The following NOL6 variants were observed in gnomAD, a reference collection of about 807,000 sequenced individuals.
The protein encoded by NOL6 is nucleolar protein 6.
A neutral mutation model predicts 131.7 loss-of-function variants in NOL6; 33 were observed. That is an observed-to-expected ratio of 0.25 (90% CI 0.19 to 0.33). The LOEUF (loss-of-function observed/expected upper bound fraction) is 0.33. Among genes scored for constraint, NOL6 ranks in the 10% least tolerant of loss-of-function variants. NOL6 has a pLI of 1.00. For missense variants in NOL6, 1,297 were observed against 1,494.5 expected, an observed-to-expected ratio of 0.87 and a Z score of 2.18; for synonymous variants, 580 against 605.7, an observed-to-expected ratio of 0.96 and a Z score of 0.62.
Position 33,463,335 on chromosome 9 carries a change from CAGA to C in NOL6, c.3098_3100del (p.Phe1033del). The C allele has an allele frequency of 6.2e-7, 1 of 1,614,112 alleles. No individual in the cohort carries two copies. The highest frequency in any genetic ancestry group is 8.5e-7 in the Non-Finnish European group (1 of 1,179,996). ...CCCCGGCTGGCTGAGCAGGCCCCGG[CAGA>C]AGGAGGCAGCTGGCGAGTCCACAGC... On this transcript the variant is annotated inframe_deletion, in exon 24 of 26. Coordinates refer to ENST00000297990, the MANE Select transcript of NOL6 (RefSeq NM_022917.5).
intron 18 of NOL6, 50 bp from the exon 19 acceptor site, chr9:33,465,947 G>C: frequency 6.3e-7 from 1 of 1,595,008 alleles, no homozygotes; most frequent in African/African-American, 1.3e-5. Context: ...CCAGAACCCC[G>C]GGAGTACTCT....
intron 25 of NOL6, 59 bp from the exon 26 acceptor site, chr9:33,462,872 C>A: frequency 6.2e-7 from 1 of 1,601,136 alleles, no homozygotes; most frequent in Non-Finnish European, 8.5e-7. Flanking sequence ...CCAGAGACAC[C>A]AAGCTGGGTA....
rs1338280495 is a variant in NOL6, at chr9:33,467,879, ACAAAGGGC to A, written c.1425-19_1425-12del. On this transcript the variant is annotated splice_polypyrimidine_tract_variant and intron_variant, in intron 11 of 25. Transcript: ENST00000297990. The surrounding 1 kb of genome is among the most constrained non-coding windows in gnomAD (Gnocchi z 4.4). ...CTCAGTGGACGGAGACTGGAGGGGT[ACAAAGGGC>A]CAAAGAGGGGTAATCAGGTTGCTGG... 2 of 1,585,604 alleles carry A rather than the reference ACAAAGGGC, an allele frequency of 1.3e-6. No homozygotes were observed. Among genetic ancestry groups the A allele is most frequent in the African/African-American group, 2.7e-5 (2 of 74,512 alleles).
chr9:33,467,972 C>T lies in NOL6; in HGVS notation c.1424+58G>A, dbSNP rs1292809400. ...CACCTGTCTGAAGACCTTTGCCCCA[C>T]CACTGTAGCCCCGAAGAGACAGGAC... On this transcript the variant is annotated intron_variant, in intron 11 of 25. Coordinates refer to ENST00000297990, the MANE Select transcript of NOL6 (RefSeq NM_022917.5). This position sits in a 1 kb window ranked among gnomAD's most constrained non-coding sequence, Gnocchi z 4.4. The T allele has an allele frequency of 6.2e-7, 1 of 1,612,344 alleles. No homozygotes were observed. The highest frequency in any genetic ancestry group is 2.2e-5 in the East Asian group (1 of 44,848).
Position 33,467,205 on chromosome 9 carries a change from C to G in NOL6, c.1783G>C (p.Gly595Arg). The change falls in exon 14 of 26, where the codon GGA becomes CGA. Residue 595 changes from glycine (G) to arginine (R), a missense_variant. Physicochemically the swap from Gly to Arg is moderately radical, Grantham distance 125. Transcript: ENST00000297990. This position sits in a 1 kb window ranked among gnomAD's most constrained non-coding sequence, Gnocchi z 4.4. ...CAGACCACAGCTTCCCGAATGGCTCCGTCCTGGAAACGCCGAAGCTCCGAG... is the reference window on the plus strand; with the variant it reads ...CAGACCACAGCTTCCCGAATGGCTCGGTCCTGGAAACGCCGAAGCTCCGAG... The part of the protein sequence containing the change: ...SRSELRRFQD[G>R]AIREAVVWEA... 1 of 1,614,180 alleles carries G rather than the reference C, an allele frequency of 6.2e-7. No individual in the cohort carries two copies. The highest frequency in any genetic ancestry group is 8.5e-7 in the Non-Finnish European group (1 of 1,180,036).
chr9:33,469,268 C>G lies in NOL6; in HGVS notation c.801G>C (p.Leu267Phe). Residue 267 changes from leucine (L) to phenylalanine (F), a missense_variant, in exon 6 of 26, where the codon TTG (leucine) becomes TTC (phenylalanine). By Grantham distance (22) the Leu-to-Phe change is conservative. Transcript: ENST00000297990. ...PPPDFFRPCR[L>F]LPTKNNVRSA... ...AGCGCACATTGTTCTTGGTTGGCAG[C>G]AAGCGGCACGGGCGGAAGAAGTCAG... The G allele has an allele frequency of 6.2e-7, 1 of 1,614,222 alleles. No individual in the cohort carries two copies. The highest frequency in any genetic ancestry group is 8.5e-7 in the Non-Finnish European group (1 of 1,180,048).
Position 33,469,635 on chromosome 9 carries a change from CTG to C in NOL6, c.589_590del (p.Gln197AlafsTer49). 6.2e-7 allele frequency: 1 copy of C among 1,613,086 alleles called. No homozygotes were observed. The highest frequency in any genetic ancestry group is 8.5e-7 in the Non-Finnish European group (1 of 1,179,674). On this transcript the variant is annotated frameshift_variant, in exon 5 of 26. Coordinates refer to ENST00000297990, the MANE Select transcript of NOL6 (RefSeq NM_022917.5). LOFTEE classifies it high-confidence loss of function. The part of the protein sequence containing the change: ...EILQDKDGLN[Q>X]RYFRKRALYL... ...AGAGGGCACGCTTGCGGAAGTAGCGCTGGTTCAGCCCGTCCTTGTCCTGTAGG... is the reference window on the plus strand; with the variant it reads ...AGAGGGCACGCTTGCGGAAGTAGCGCGTTCAGCCCGTCCTTGTCCTGTAGG...
intron 1 of NOL6, among the ~76,000 whole-genome samples, chr9:33,473,298 C>G (rs1827464724): frequency 6.6e-6 from 1 of 152,164 alleles, no homozygotes; most frequent in Non-Finnish European, 1.5e-5. Context: ...ACTGGTACAC[C>G]CGTACTATGA....
chr9:33,467,634 TGG>T lies in NOL6; in HGVS notation c.1602+55_1602+56del. Reference sequence around the variant, plus strand: ...GGAATGGTGTGTCCTTTGTGTCTCTTGGGACCCTGGATCCAGCCCAACTCAGA... The same window carrying T: ...GGAATGGTGTGTCCTTTGTGTCTCTTGACCCTGGATCCAGCCCAACTCAGA... On this transcript the variant is annotated intron_variant, in intron 12 of 25. Transcript: ENST00000297990. The surrounding 1 kb of genome is among the most constrained non-coding windows in gnomAD (Gnocchi z 4.4). 1 of 1,551,454 alleles carries T rather than the reference TGG, an allele frequency of 6.4e-7. No individual in the cohort carries two copies. The highest frequency in any genetic ancestry group is 8.7e-7 in the Non-Finnish European group (1 of 1,147,594).
In NOL6 at chr9:33,468,213, C is replaced by T. The variant is rs566660847; in HGVS notation, c.1309-68G>A. On this transcript the variant is annotated intron_variant, in intron 10 of 25. Transcript: ENST00000297990. ...CAAGGGCTTAGACCAGGAGACATGCCCTAAACTTAACTCTTTGAAGAGGAG... is the reference window on the plus strand; with the variant it reads ...CAAGGGCTTAGACCAGGAGACATGCTCTAAACTTAACTCTTTGAAGAGGAG... 24 of 1,611,804 alleles carry T rather than the reference C, an allele frequency of 1.5e-5. No homozygotes were observed. In the East Asian group the frequency reaches 4.7e-4, roughly 31 times the overall value.
rs144568904 is a variant in NOL6, at chr9:33,468,794, T to C, written c.1105A>G (p.Met369Val). Residue 369 changes from methionine to valine, a missense_variant, in exon 8 of 26, where the codon ATG becomes GTG. By Grantham distance (21) the Met-to-Val change is conservative. Coordinates refer to ENST00000297990, the MANE Select transcript of NOL6 (RefSeq NM_022917.5). ...LVSTRKIHTT[M>V]SGYQVLRSVL... ...CTTCTCAGGACCTGGTAGCCACTCA[T>C]GGTGGTATGGATCTTGCGTGTAGAC... The C allele has an allele frequency of 3.6e-5, 58 of 1,614,026 alleles. No individual in the cohort carries two copies. The African/African-American group carries it at 6.3e-4, about 17-fold the overall frequency.
Position 33,462,738 on chromosome 9 carries a change from G to C in NOL6, c.3367C>G (p.Leu1123Val). ...TCACCCAGCACAGCAAAGTCCTCCA[G>C]GATTGCTTCAACATTGGGCACCATT... Reference protein sequence around the residue: ...LVMVPNVEAILEDFAVLGEGL... With the variant: ...LVMVPNVEAIVEDFAVLGEGL... The change falls in exon 26 of 26, where the codon CTG (leucine) becomes GTG (valine). Residue 1123 changes from leucine (L) to valine (V), a missense_variant. Coordinates refer to ENST00000297990, the MANE Select transcript of NOL6 (RefSeq NM_022917.5). 1 of 1,614,170 alleles carries C rather than the reference G, an allele frequency of 6.2e-7. No homozygotes were observed. Among genetic ancestry groups the C allele is most frequent in the African/African-American group, 1.3e-5 (1 of 75,032 alleles).
At position 33,473,836 on chromosome 9, in the gene NOL6, G is replaced by A. The variant is rs2119041204; in HGVS notation, c.7C>T (p.Pro3Ser). The A allele has an allele frequency of 6.2e-7, 1 of 1,610,962 alleles. No homozygotes were observed. The highest frequency in any genetic ancestry group is 8.5e-7 in the Non-Finnish European group (1 of 1,180,018). Reference sequence around the variant, plus strand: ...CGAAGCTGCTCTCCAGCTGGCGCCGGCCCCATCACTCAGGGTCCAGCACTC... The same window carrying A: ...CGAAGCTGCTCTCCAGCTGGCGCCGACCCCATCACTCAGGGTCCAGCACTC... MGPAPAGEQLRGA... is the reference protein window; with the variant it reads MGSAPAGEQLRGA... Residue 3 changes from proline (P) to serine (S), a missense_variant, in exon 1 of 26, where the codon CCG becomes TCG. Coordinates refer to ENST00000297990, the MANE Select transcript of NOL6 (RefSeq NM_022917.5).
rs751004453 is a variant in NOL6 at position 33,464,989 on chromosome 9, A to G, written c.2682-13T>C. 1 of 1,601,152 alleles carries G rather than the reference A, an allele frequency of 6.2e-7. No individual in the cohort carries two copies. The highest frequency in any genetic ancestry group is 8.6e-7 in the Non-Finnish European group (1 of 1,168,556). ...AACCTGGGGGGAACTAAAGGGCTGG[A>G]GTAAGCAAAGAATCCAGGGCCCAGC... On this transcript the variant is annotated splice_polypyrimidine_tract_variant and intron_variant, in intron 20 of 25. Coordinates refer to ENST00000297990, the MANE Select transcript of NOL6 (RefSeq NM_022917.5).
chr9:33,473,730 G>C (rs1401899835), intron 1 of NOL6, 59 bp downstream of exon 1: 2 of 1,585,252 alleles, frequency 1.3e-6, no homozygotes, highest in Admixed American at 3.4e-5. Context: ...GCCATCTCGG[G>C]CCCTGCAGCC....
Position 33,467,220 on chromosome 9 carries a change from G to A in NOL6, c.1768C>T (p.Arg590Trp), listed in dbSNP as rs141088844. Residue 590 changes from arginine (R) to tryptophan (W), a missense_variant, in exon 14 of 26, where the codon CGG (arginine) becomes TGG (tryptophan). Physicochemically the swap from Arg to Trp is moderately radical, Grantham distance 101 (BLOSUM62 -3). Transcript: ENST00000297990. This position sits in a 1 kb window ranked among gnomAD's most constrained non-coding sequence, Gnocchi z 4.4. ...RQFWGSRSELRRFQDGAIREA... is the reference protein window; with the variant it reads ...RQFWGSRSELWRFQDGAIREA... The stretch of plus-strand genomic sequence containing the variant: ...CGAATGGCTCCGTCCTGGAAACGCC[G>A]AAGCTCCGAGCGGGATCCCCAGAAC... The A allele has an allele frequency of 8.0e-5, 129 of 1,614,168 alleles. No individual in the cohort carries two copies. Among genetic ancestry groups the A allele is most frequent in the Admixed American group, 1.0e-4 (6 of 60,026 alleles).
rs1827277750 is a variant in NOL6 at position 33,467,426 on chromosome 9, G to A, written c.1693C>T (p.Leu565Phe). Reference protein sequence around the residue: ...LLRPEGLTSVLELGPEADQPE... With the variant: ...LLRPEGLTSVFELGPEADQPE... ...TGGTCTGCCTCTGGACCCAGCTCAA[G>A]GACGCTGGTCAGTCCCTCAGGCCGG... The change falls in exon 13 of 26, where the codon CTT (leucine) becomes TTT (phenylalanine). Residue 565 changes from leucine (L) to phenylalanine (F), a missense_variant. Coordinates refer to ENST00000297990, the MANE Select transcript of NOL6 (RefSeq NM_022917.5). This position sits in a 1 kb window ranked among gnomAD's most constrained non-coding sequence, Gnocchi z 4.4. The A allele has an allele frequency of 6.2e-7, 1 of 1,614,188 alleles. No individual in the cohort carries two copies. Among genetic ancestry groups the A allele is most frequent in the African/African-American group, 1.3e-5 (1 of 75,056 alleles).
rs1472128436 is a variant in NOL6, at chr9:33,466,345, G to A, written c.2172C>T (p.Leu724=). 8.1e-6 allele frequency: 13 copies of A among 1,614,080 alleles called. No individual in the cohort carries two copies. In the Middle Eastern group the frequency reaches 4.9e-4, roughly 61 times the overall value. ...CCACGTAGGCCGGACAGGGCTTATC[G>A]AGCCGGGGCAGCAGTGAGGACCGCT... The part of the protein sequence containing the change: ...LRERSSLLPR[L]DKPCPAYVEP... The change falls in exon 17 of 26, where the codon CTC becomes CTT. Residue 724 remains leucine (L), a synonymous_variant. Coordinates refer to ENST00000297990, the MANE Select transcript of NOL6 (RefSeq NM_022917.5).
In NOL6 at chr9:33,463,786, C is replaced by G. The variant is rs1452008403; in HGVS notation, c.2994+45G>C. 1.9e-6 allele frequency: 3 copies of G among 1,596,382 alleles called. No individual in the cohort carries two copies. The Admixed American group carries it at 5.0e-5, about 27-fold the overall frequency. ...TCCCTGAACGCTGAACTTCCAAAGA[C>G]AGAATCCCCAGAGGCCCTGGAGTCA... On this transcript the variant is annotated intron_variant, in intron 23 of 25. Coordinates refer to ENST00000297990, the MANE Select transcript of NOL6 (RefSeq NM_022917.5).
Sources: gnomAD v4.1 joint callset for allele counts (sites outside exome capture counted in the v4.1 genomes callset) on GRCh38, gnomAD v4.1.1 for gene constraint, Gnocchi (gnomAD v3.1) non-coding constraint, MANE v1.5 for transcripts, NCBI Gene and HGNC (gene_info 2026-07-23, HGNC 2026-07-21) for gene names.